PPIA: variants seen among roughly 807,000 people sequenced by gnomAD.
The protein encoded by PPIA is peptidyl-prolyl cis-trans isomerase A.
A neutral mutation model predicts 15.3 loss-of-function variants in PPIA; 2 were observed. The observed-to-expected ratio is 0.13, with a 90% CI of 0.05 to 0.41. The LOEUF (loss-of-function observed/expected upper bound fraction) is 0.41. Ranked by LOEUF, PPIA falls within the 10% of genes least tolerant of loss-of-function variation. PPIA has a pLI of 0.99. For synonymous variants in PPIA, 67 were observed against 73.1 expected, an observed-to-expected ratio of 0.92 and a Z score of 0.43; for missense variants, 103 against 210.3, an observed-to-expected ratio of 0.49 and a Z score of 3.16.
At chr7:44,797,085 A>G (rs535292692) in intron 1 of PPIA, among the ~76,000 whole-genome samples, 1 of 152,306 alleles carries the variant, frequency 6.6e-6, no homozygotes, top group East Asian at 1.9e-4. Context: ...TGTCCGACGC[A>G]CGTGCTCGGC....
At chr7:44,801,064 G>A (rs1024814298) in intron 4 of PPIA, among the ~76,000 whole-genome samples, 5 of 151,354 alleles carry the variant, frequency 3.3e-5, no homozygotes, top group Admixed American at 2.0e-4. Context: ...TGATCCGCCC[G>A]CCTTGGCCTC....
chr7:44,798,995 G>A, intron 1 of PPIA: 2 of 1,182,340 alleles, frequency 1.7e-6, no homozygotes, highest in Non-Finnish European at 2.2e-6. Flanking sequence ...AAAAGTTTGA[G>A]ACACTTTCTA....
intron 4 of PPIA, 121 bp downstream of exon 4, chr7:44,799,995 C>G: frequency 9.9e-7 from 1 of 1,010,274 alleles, no homozygotes; most frequent in South Asian, 1.5e-5. Context: ...CCCTAAGATA[C>G]TAGAAGAAGA....
chr7:44,796,935 G>A (rs552219683), intron 1 of PPIA, 142 bp downstream of exon 1: 1 of 940,890 alleles, frequency 1.1e-6, no homozygotes, highest in Non-Finnish European at 1.5e-6. Flanking sequence ...ATTTCCTGAC[G>A]AGGGGCCATT....
rs1792611298 is a variant in PPIA, at chr7:44,802,997, A to G, written c.*1575A>G. On this transcript the variant is annotated 3_prime_UTR_variant, in exon 5 of 5. Transcript: ENST00000468812. ...GAATTACCACCACCACCACTTGTGCATCTCAGTCTTGTGTGTTGTCTGGTT... is the reference window on the plus strand; with the variant it reads ...GAATTACCACCACCACCACTTGTGCGTCTCAGTCTTGTGTGTTGTCTGGTT... The G allele has an allele frequency of 6.6e-6, 1 of 152,088 alleles. No homozygotes were observed. 9.4% of individuals were successfully genotyped at this position (152,088 alleles called of 1,614,324 possible).
chr7:44,799,956 T>C, intron 4 of PPIA, 82 bp downstream of exon 4: 1 of 1,433,308 alleles, frequency 7.0e-7, no homozygotes, highest in African/African-American at 1.4e-5. Context: ...CTACTTTTCT[T>C]CAACCTTTGC....
intron 3 of PPIA, 51 bp downstream of exon 3, chr7:44,799,531 G>A: frequency 6.3e-7 from 1 of 1,590,820 alleles, no homozygotes; most frequent in East Asian, 2.2e-5. Flanking sequence ...CTTCATTTGG[G>A]ATTGAGCCAG....
chr7:44,797,562 T>C (rs1000444121), intron 1 of PPIA, among the ~76,000 whole-genome samples: 8 of 152,204 alleles, frequency 5.3e-5, no homozygotes, highest in Non-Finnish European at 8.8e-5. Context: ...CCCTCCCGAT[T>C]GTCCCTCTGC....
At chr7:44,800,104 T>G in intron 4 of PPIA, 1 of 541,236 alleles carries the variant, frequency 1.8e-6, no homozygotes, top group Non-Finnish European at 3.3e-6. Context: ...GGTGCTACTT[T>G]TTTGAGATGG....
chr7:44,802,175 T>TC lies in PPIA; in HGVS notation c.*753_*754insC, dbSNP rs60471039. 0.082 allele frequency: 9,915 copies of TC among 120,504 alleles called. 618 individuals are homozygous for TC. The highest frequency in any genetic ancestry group is 0.13 in the South Asian group (491 of 3,880). The allele number at this position is 120,504 out of a possible 1,614,324, so 7.5% of individuals were successfully genotyped here. ...CAAAAATTGAGACATCTGTTGCGGT[T>TC]TTTTTTTTTTTTTTTTCCCCTGGAA... On this transcript the variant is annotated 3_prime_UTR_variant, in exon 5 of 5. Transcript: ENST00000468812.
At position 44,799,722 on chromosome 7, in the gene PPIA, T is replaced by C; in HGVS notation, c.210T>C (p.His70=). The C allele has an allele frequency of 3.1e-6, 5 of 1,614,004 alleles. No homozygotes were observed. Among genetic ancestry groups the C allele is most frequent in the Non-Finnish European group, 4.2e-6 (5 of 1,179,898 alleles). Residue 70 remains histidine, a synonymous_variant, in exon 4 of 5, where the codon CAT becomes CAC. Transcript: ENST00000468812. ...GACAGGGTGGTGACTTCACACGCCA[T>C]AATGGCACTGGTGGCAAGTCCATCT... ...FMCQGGDFTR[H]NGTGGKSIYG...
In PPIA at chr7:44,797,125, CGTT is replaced by C. The variant is rs1370880848; in HGVS notation, c.69+334_69+336del. Among the ~76,000 whole-genome samples, 3 of 152,296 alleles carry C rather than the reference CGTT, an allele frequency of 2.0e-5. No individual in the cohort carries two copies. The East Asian group carries it at 5.8e-4, about 30-fold the overall frequency. ...GCGCTCAGGTCCGCGCCTTGAGAGT[CGTT>C]GGGCTCCGCCCTAGCTTGGCCTGGG... On this transcript the variant is annotated intron_variant, in intron 1 of 4. Coordinates refer to ENST00000468812, the MANE Select transcript of PPIA (RefSeq NM_021130.5).
At chr7:44,798,800 G>C in intron 1 of PPIA, 1 of 994,140 alleles carries the variant, frequency 1.0e-6, no homozygotes, top group Non-Finnish European at 1.2e-6. Context: ...ATAAAGCTAT[G>C]TTAACAGATT....
At chr7:44,798,239 C>G (rs374945502) in intron 1 of PPIA, 2 of 152,232 alleles carry the variant, frequency 1.3e-5, no homozygotes, top group Non-Finnish European at 2.9e-5. Context: ...ACCATACATT[C>G]TAGGTACAAA....
chr7:44,796,713 G>C lies in PPIA; in HGVS notation c.-12G>C. ...AGACGCCACCGCCGAGGAAAACCGT[G>C]TACTATTAGCCATGGTCAACCCCAC... On this transcript the variant is annotated 5_prime_UTR_variant, in exon 1 of 5. Transcript: ENST00000468812. The C allele has an allele frequency of 6.2e-7, 1 of 1,610,364 alleles. No individual in the cohort carries two copies. The highest frequency in any genetic ancestry group is 8.5e-7 in the Non-Finnish European group (1 of 1,178,604).
chr7:44,798,069 A>G (rs889804203), intron 1 of PPIA: 2 of 152,154 alleles, frequency 1.3e-5, no homozygotes, highest in African/African-American at 4.8e-5. Flanking sequence ...AGGTTACCCA[A>G]AGAGCTTCAG....
chr7:44,798,065 C>T (rs1792434019), intron 1 of PPIA: 1 of 152,076 alleles, frequency 6.6e-6, no homozygotes, highest in African/African-American at 2.4e-5. Flanking sequence ...CATCAGGTTA[C>T]CCAAAGAGCT....
chr7:44,799,439 G>T lies in PPIA; in HGVS notation c.148G>T (p.Gly50Cys). The change falls in exon 3 of 5, where the codon GGT (glycine) becomes TGT (cysteine). Residue 50 changes from glycine (G) to cysteine (C), a missense_variant. Physicochemically the swap from Gly to Cys is radical, Grantham distance 159 (BLOSUM62 -3). Transcript: ENST00000468812. ...TGGAGAGAAAGGATTTGGTTATAAG[G>T]GTTCCTGCTTTCACAGAATTATTCC... is the stretch of plus-strand genomic sequence containing the variant. ...STGEKGFGYK[G>C]SCFHRIIPGF... The T allele has an allele frequency of 6.2e-7, 1 of 1,612,782 alleles. No individual in the cohort carries two copies. Among genetic ancestry groups the T allele is most frequent in the Non-Finnish European group, 8.5e-7 (1 of 1,179,950 alleles).
Position 44,801,186 on chromosome 7 carries a change from TAAAA to T in PPIA, c.363-88_363-85del, listed in dbSNP as rs36119683. 906 of 1,083,652 alleles carry T rather than the reference TAAAA, an allele frequency of 8.4e-4. No individual in the cohort carries two copies. The East Asian group carries it at 0.011, about 14-fold the overall frequency. 67.1% of individuals were successfully genotyped at this position (1,083,652 alleles called of 1,614,324 possible). On this transcript the variant is annotated intron_variant, in intron 4 of 4. Transcript: ENST00000468812. ...GACATTTAGTACAAAAGGCTTCAGT[TAAAA>T]AAAAAAAAAAAAGCTACCTTTCTCG...
Sources: allele counts gnomAD v4.1 joint callset (sites outside exome capture counted in the v4.1 genomes callset), GRCh38; gene constraint gnomAD v4.1.1; transcripts MANE v1.5; gene names NCBI Gene and HGNC (gene_info 2026-07-23, HGNC 2026-07-21).